Variants in RARB observed in about 807,000 individuals in gnomAD.
RARB encodes the protein retinoic acid receptor beta.
RARB carries 17 observed loss-of-function variants against 51.9 expected under a neutral mutation model. The ratio of observed to expected loss-of-function variants is 0.33; its 90% CI spans 0.22 to 0.49. The LOEUF (loss-of-function observed/expected upper bound fraction) is 0.49. Among genes scored for constraint, RARB ranks in the 20% least tolerant of loss-of-function variants. The probability of loss-of-function intolerance (pLI) is 0.99; values close to 1 mark genes in which losing one functional copy is unlikely to be tolerated. For synonymous variants in RARB, 215 were observed against 195.4 expected, an observed-to-expected ratio of 1.10 and a Z score of -0.84; for missense variants, 369 against 550.8, an observed-to-expected ratio of 0.67 and a Z score of 3.30.
chr3:24,908,761 C>A (rs1239695214), intron 2 of RARB, among the ~76,000 whole-genome samples: 7 of 142,780 alleles, frequency 4.9e-5, no homozygotes, highest in Non-Finnish European at 6.0e-5. Flanking sequence ...AATGTTGAGA[C>A]CTTAATAGAC....
chr3:25,550,956 A>G (rs1471067510), intron 3 of RARB, among the ~76,000 whole-genome samples: 1 of 152,186 alleles, frequency 6.6e-6, no homozygotes, highest in Non-Finnish European at 1.5e-5. Flanking sequence ...TCCAGGGTAT[A>G]TATGTACCAA....
At chr3:25,435,384 A>G (rs1453907598) in intron 1 of RARB, among the ~76,000 whole-genome samples, 1 of 152,234 alleles carries the variant, frequency 6.6e-6, no homozygotes, top group African/African-American at 2.4e-5. Flanking sequence ...TGAAGACCTC[A>G]TGTAATAAAT....
At chr3:25,448,276 G>C (rs1207556438) in intron 1 of RARB, among the ~76,000 whole-genome samples, 3 of 152,222 alleles carry the variant, frequency 2.0e-5, no homozygotes, top group East Asian at 1.9e-4. Flanking sequence ...CAATTGGAAG[G>C]TTGGTGAAAA....
chr3:25,090,924 T>G (rs1187707426), intron 3 of RARB, among the ~76,000 whole-genome samples: 1 of 152,178 alleles, frequency 6.6e-6, no homozygotes, highest in African/African-American at 2.4e-5. Context: ...ATTTCAAAAC[T>G]GCTACATGTA....
intron 4 of RARB, among the ~76,000 whole-genome samples, chr3:25,138,179 T>C (rs1355398727): frequency 6.6e-6 from 1 of 152,118 alleles, no homozygotes; most frequent in Non-Finnish European, 1.5e-5. Flanking sequence ...CGTGGCCCAA[T>C]AGTCACAAAG....
At chr3:25,489,328 T>A (rs1696615093) in intron 2 of RARB, among the ~76,000 whole-genome samples, 1 of 152,242 alleles carries the variant, frequency 6.6e-6, no homozygotes, top group South Asian at 2.1e-4. Flanking sequence ...TTGGAATAAA[T>A]CAGTAAGTTA....
intron 5 of RARB, among the ~76,000 whole-genome samples, chr3:25,311,792 C>T (rs745758678): frequency 6.6e-6 from 1 of 152,258 alleles, no homozygotes; most frequent in African/African-American, 2.4e-5. Flanking sequence ...ACATATGGTA[C>T]ATAGACAGTT....
At chr3:25,262,447 T>G (rs747510108) in intron 5 of RARB, among the ~76,000 whole-genome samples, 11 of 152,234 alleles carry the variant, frequency 7.2e-5, no homozygotes, top group Non-Finnish European at 2.9e-5. Context: ...GTCTGAAATC[T>G]AATATGGATC....
At chr3:25,360,182 A>G (rs537094554) in intron 5 of RARB, among the ~76,000 whole-genome samples, 2 of 152,324 alleles carry the variant, frequency 1.3e-5, no homozygotes, top group Non-Finnish European at 2.9e-5. Flanking sequence ...ATATATATTT[A>G]GGAGAGTTCG....
chr3:24,942,224 T>C (rs1695682341), intron 2 of RARB, among the ~76,000 whole-genome samples: 1 of 152,268 alleles, frequency 6.6e-6, no homozygotes, highest in Non-Finnish European at 1.5e-5. Context: ...TCCTGTATGC[T>C]GTCACTGCAT....
chr3:25,345,043 G>T (rs139299821), intron 5 of RARB, among the ~76,000 whole-genome samples: 1,589 of 152,286 alleles, frequency 0.01, 12 homozygotes, highest in Middle Eastern at 0.031. Context: ...GTCTTAAAAT[G>T]AGAGAGCAGA....
intron 2 of RARB, among the ~76,000 whole-genome samples, chr3:25,011,693 T>C (rs1009110112): frequency 6.6e-6 from 1 of 152,114 alleles, no homozygotes; most frequent in African/African-American, 2.4e-5. Flanking sequence ...TCTTATCTCA[T>C]ACCTACTCTG....
At chr3:25,078,459 G>A (rs1055184205) in intron 3 of RARB, among the ~76,000 whole-genome samples, 3 of 151,376 alleles carry the variant, frequency 2.0e-5, no homozygotes, top group African/African-American at 7.3e-5. Flanking sequence ...TTTTATTGAT[G>A]GATTTATCTA....
chr3:25,160,814 T>C (rs1022167601), intron 4 of RARB, among the ~76,000 whole-genome samples: 1 of 152,160 alleles, frequency 6.6e-6, no homozygotes, highest in Non-Finnish European at 1.5e-5. Context: ...TTCCTTGCCC[T>C]TTTCAGCTTC....
intron 5 of RARB, among the ~76,000 whole-genome samples, chr3:25,225,608 A>G (rs1472807704): frequency 6.6e-6 from 1 of 152,204 alleles, no homozygotes; most frequent in Non-Finnish European, 1.5e-5. Context: ...TATTGATAGA[A>G]CAGAATGTCA....
rs557286623 is a variant in RARB at position 25,564,140 on chromosome 3, T to G, written c.449-5618T>G. Among the ~76,000 whole-genome samples the G allele has an allele frequency of 1.3e-4, 20 of 152,316 alleles. No homozygotes were observed. The South Asian group carries it at 2.1e-3, about 16-fold the overall frequency. On this transcript the variant is annotated intron_variant, in intron 3 of 7. Transcript: ENST00000330688. ...AACATGACTTCATTTATTTCCATGA[T>G]TAGACATTCAAATAAAAGTGCTTGG...
chr3:25,585,483 A>G (rs952279180), intron 5 of RARB, among the ~76,000 whole-genome samples: 4 of 152,268 alleles, frequency 2.6e-5, no homozygotes, highest in African/African-American at 9.6e-5. Flanking sequence ...ACTGTGGTGG[A>G]GAATTCATTA....
chr3:25,100,269 A>G (rs1699374417), intron 3 of RARB, among the ~76,000 whole-genome samples: 1 of 152,222 alleles, frequency 6.6e-6, no homozygotes, highest in South Asian at 2.1e-4. Context: ...ATAAATGATA[A>G]GTAATATACA....
At chr3:24,893,095 G>A (rs557357714) in intron 2 of RARB, among the ~76,000 whole-genome samples, 3 of 152,316 alleles carry the variant, frequency 2.0e-5, no homozygotes, top group African/African-American at 7.2e-5. Context: ...TTTGCCCAAA[G>A]GATCCTTTAA....
Sources: allele counts gnomAD v4.1 joint callset (sites outside exome capture counted in the v4.1 genomes callset), GRCh38; gene constraint gnomAD v4.1.1; transcripts MANE v1.5; gene names NCBI Gene and HGNC (gene_info 2026-07-23, HGNC 2026-07-21).